The following SCAPER variants were observed in gnomAD, a reference collection of about 807,000 sequenced individuals.
SCAPER encodes S-phase cyclin A associated protein in the ER, also known as S phase cyclin A-associated protein in the endoplasmic reticulum.
A neutral mutation model predicts 182.2 loss-of-function variants in SCAPER; 98 were observed. The ratio of observed to expected loss-of-function variants is 0.54; its 90% CI spans 0.46 to 0.64. The LOEUF (loss-of-function observed/expected upper bound fraction) is 0.64, where lower values mean the gene tolerates loss of function less well. Ranked by LOEUF, SCAPER falls within the 30% of genes least tolerant of loss-of-function variation. The pLI is 0.00. For synonymous variants in SCAPER, 605 were observed against 564.6 expected, an observed-to-expected ratio of 1.07 and a Z score of -1.01; for missense variants, 1,432 against 1,690.0, an observed-to-expected ratio of 0.85 and a Z score of 2.68.
At chr15:76,687,121 A>T (rs1193406167) in intron 20 of SCAPER, among the ~76,000 whole-genome samples, 1 of 152,194 alleles carries the variant, frequency 6.6e-6, no homozygotes, top group Non-Finnish European at 1.5e-5. Flanking sequence ...TATTGATTTT[A>T]AAAATACAAG....
At position 76,434,327 on chromosome 15, in the gene SCAPER, T is replaced by G. The variant is rs1434398826; in HGVS notation, c.3079-17A>C. ...AACATAAACCTAGATGAAAAAAAAG[T>G]ACAGTAAATATGTTTCAATAAAACC... On this transcript the variant is annotated splice_polypyrimidine_tract_variant and intron_variant, in intron 25 of 31. Transcript: ENST00000563290. 6.4e-7 allele frequency: 1 copy of G among 1,552,534 alleles called. No individual in the cohort carries two copies. The highest frequency in any genetic ancestry group is 2.3e-5 in the East Asian group (1 of 44,430).
intron 22 of SCAPER, among the ~76,000 whole-genome samples, chr15:76,606,829 G>C (rs946367147): frequency 2.6e-5 from 4 of 152,048 alleles, no homozygotes; most frequent in African/African-American, 9.7e-5. Context: ...TCAGAGACTA[G>C]GATTGCAACT....
intron 1 of SCAPER, among the ~76,000 whole-genome samples, chr15:76,886,697 C>T (rs1442484490): frequency 6.6e-6 from 1 of 152,188 alleles, no homozygotes; most frequent in African/African-American, 2.4e-5. Flanking sequence ...AAGACACATA[C>T]ACCTGTATGC....
chr15:76,892,575 C>A (rs575178682), intron 1 of SCAPER, among the ~76,000 whole-genome samples: 2 of 152,326 alleles, frequency 1.3e-5, no homozygotes, highest in South Asian at 4.1e-4. Context: ...AAGAAATGCT[C>A]ACCATCACTG....
intron 20 of SCAPER, among the ~76,000 whole-genome samples, chr15:76,689,724 C>T (rs1452144525): frequency 1.3e-5 from 2 of 150,832 alleles, no homozygotes; most frequent in Admixed American, 6.6e-5. Flanking sequence ...GGAGAAGTGG[C>T]TGATTCTAGG....
intron 1 of SCAPER, among the ~76,000 whole-genome samples, chr15:76,898,060 G>C (rs566114364): frequency 1.3e-5 from 2 of 152,086 alleles, no homozygotes; most frequent in Non-Finnish European, 2.9e-5. Flanking sequence ...AAGAACCCAC[G>C]TCAGGTTAAA....
rs113367498 is a variant in SCAPER, at chr15:76,517,681, T to C, written c.2839-12707A>G. ...TAACATCTTATATAACCATGGTATG[T>C]TTATCAAAACTAAGAAATTATATTG... On this transcript the variant is annotated intron_variant, in intron 23 of 31. Coordinates refer to ENST00000563290, the MANE Select transcript of SCAPER (RefSeq NM_020843.4). 7.9e-3 allele frequency among the ~76,000 whole-genome samples: 1,202 copies of C among 152,228 alleles called. 12 individuals carry two copies. Among genetic ancestry groups the C allele is most frequent in the African/African-American group, 0.027 (1,142 of 41,538 alleles).
At chr15:76,569,015 A>G (rs2047246939) in intron 23 of SCAPER, among the ~76,000 whole-genome samples, 1 of 152,070 alleles carries the variant, frequency 6.6e-6, no homozygotes, top group Non-Finnish European at 1.5e-5. Context: ...TTTGCTAACA[A>G]TGACTATTTC....
At chr15:76,379,025 A>G (rs2042756828) in intron 28 of SCAPER, among the ~76,000 whole-genome samples, 1 of 152,236 alleles carries the variant, frequency 6.6e-6, no homozygotes, top group Admixed American at 6.5e-5. Context: ...CTGAACTCCT[A>G]GAATCTGTGA....
intron 15 of SCAPER, among the ~76,000 whole-genome samples, chr15:76,741,407 T>C (rs537781314): frequency 8.5e-5 from 13 of 152,244 alleles, no homozygotes; most frequent in African/African-American, 2.6e-4. Context: ...AATGGATTTA[T>C]ACTTAGGCTT....
intron 22 of SCAPER, among the ~76,000 whole-genome samples, chr15:76,581,088 G>A (rs914695992): frequency 1.4e-4 from 22 of 151,986 alleles, no homozygotes; most frequent in African/African-American, 5.1e-4. Context: ...ACCTACCAAG[G>A]CTGAACTACG....
At position 76,361,299 on chromosome 15, in the gene SCAPER, G is replaced by A. The variant is rs1428220992; in HGVS notation, c.3856-7159C>T. Among the ~76,000 whole-genome samples the A allele has an allele frequency of 2.6e-5, 4 of 152,124 alleles. 1 individual carries two copies. The highest frequency in any genetic ancestry group is 5.9e-5 in the Non-Finnish European group (4 of 68,032). ...GTCAAGAACGTGAAAAGAAGCAAGCGGGCCTTTCAGCAGAGAGATGAGTCC... is the reference window on the plus strand; with the variant it reads ...GTCAAGAACGTGAAAAGAAGCAAGCAGGCCTTTCAGCAGAGAGATGAGTCC... On this transcript the variant is annotated intron_variant, in intron 29 of 31. Transcript: ENST00000563290.
At chr15:76,772,247 G>C (rs932144223) in intron 9 of SCAPER, among the ~76,000 whole-genome samples, 2 of 151,958 alleles carry the variant, frequency 1.3e-5, no homozygotes, top group Non-Finnish European at 2.9e-5. Context: ...TTTGTGATGA[G>C]TATTTTGTAT....
chr15:76,618,718 T>C (rs910395892), intron 22 of SCAPER, among the ~76,000 whole-genome samples: 1 of 152,232 alleles, frequency 6.6e-6, no homozygotes, highest in African/African-American at 2.4e-5. Context: ...ATCAACTTAT[T>C]ACTTGAGAGT....
intron 8 of SCAPER, among the ~76,000 whole-genome samples, chr15:76,776,045 G>T (rs1047053199): frequency 6.6e-6 from 1 of 152,066 alleles, no homozygotes; most frequent in Non-Finnish European, 1.5e-5. Context: ...AAAAACCCTA[G>T]ATAAAACACT....
In SCAPER at chr15:76,445,624, T is replaced by C. The variant is rs573972492; in HGVS notation, c.3079-11314A>G. On this transcript the variant is annotated intron_variant, in intron 25 of 31. Coordinates refer to ENST00000563290, the MANE Select transcript of SCAPER (RefSeq NM_020843.4). ...ATATCACCACCTGGAGATGGCATGT[T>C]ACTTGGTTTCCACAGGAGGGGTTTC... Among the ~76,000 whole-genome samples, 19 of 152,230 alleles carry C rather than the reference T, an allele frequency of 1.2e-4. No individual in the cohort carries two copies. The East Asian group carries it at 1.9e-3, about 15-fold the overall frequency.
At position 76,473,062 on chromosome 15, in the gene SCAPER, G is replaced by A. The variant is rs150461710; in HGVS notation, c.2955-1727C>T. The stretch of plus-strand genomic sequence containing the variant: ...AGTAGAGTTTCCATTTCTAGATTGT[G>A]GATTTTCAGATTTTCAGATAAATTC... On this transcript the variant is annotated intron_variant, in intron 24 of 31. Transcript: ENST00000563290. 2.1e-3 allele frequency among the ~76,000 whole-genome samples: 326 copies of A among 152,176 alleles called. 3 individuals carry two copies. Among genetic ancestry groups the A allele is most frequent in the African/African-American group, 7.4e-3 (309 of 41,522 alleles).
At chr15:76,636,660 C>T (rs548525423) in intron 21 of SCAPER, among the ~76,000 whole-genome samples, 3 of 152,152 alleles carry the variant, frequency 2.0e-5, no homozygotes, top group Non-Finnish European at 4.4e-5. Flanking sequence ...AGGCTGTTGT[C>T]TTCAAGGCTG....
chr15:76,854,045 C>A, intron 4 of SCAPER, among the ~76,000 whole-genome samples: 1 of 151,884 alleles, frequency 6.6e-6, no homozygotes, highest in East Asian at 1.9e-4. Flanking sequence ...CCGAGGCAGG[C>A]GGATCACGAG....
Sources: gnomAD v4.1 joint callset for allele counts (sites outside exome capture counted in the v4.1 genomes callset) on GRCh38, gnomAD v4.1.1 for gene constraint, MANE v1.5 for transcripts, NCBI Gene and HGNC (gene_info 2026-07-23, HGNC 2026-07-21) for gene names.